Variants in PHRF1 observed in about 807,000 individuals in gnomAD.
The protein encoded by PHRF1 is PHD and ring finger domains 1.
Under a neutral mutation model 128.9 loss-of-function variants are expected in PHRF1, and 53 were observed. The observed-to-expected ratio is 0.41, with a 90% CI of 0.33 to 0.52. PHRF1 has a LOEUF of 0.52. PHRF1 is among the 20% of genes least tolerant of loss of function. The pLI is 0.21. For missense variants in PHRF1, 2,503 were observed against 2,284.5 expected (o/e 1.10, Z -1.95); for synonymous variants, 1,178 against 980.6 (o/e 1.20, Z -3.76).
chr11:598,807 T>C (rs1458529454), intron 9 of PHRF1, among the ~76,000 whole-genome samples: 1 of 152,248 alleles, frequency 6.6e-6, no homozygotes, highest in East Asian at 1.9e-4. Flanking sequence ...TTATTTTTGC[T>C]GTAAACATTT....
Position 605,177 on chromosome 11 carries a change from A to G in PHRF1, c.1211A>G (p.His404Arg). 6.2e-7 allele frequency: 1 copy of G among 1,613,548 alleles called. No individual in the cohort carries two copies. The highest frequency in any genetic ancestry group is 8.5e-7 in the Non-Finnish European group (1 of 1,179,858). The change falls in exon 11 of 18, where the codon CAC becomes CGC. Residue 404 changes from histidine to arginine, a missense_variant. Transcript: ENST00000264555. ...ACGCTGGGCCTGCGCAGGCCTGTTCACAGCAGCTGCATCCCGTCAGTGTTG... is the reference window on the plus strand; with the variant it reads ...ACGCTGGGCCTGCGCAGGCCTGTTCGCAGCAGCTGCATCCCGTCAGTGTTG... ...ARTLGLRRPV[H>R]SSCIPSVLKP...
At chr11:603,725 G>GTTTTTTTTTTTTTTTTTTTTTTTTTTT in intron 10 of PHRF1, among the ~76,000 whole-genome samples, 1 of 103,282 alleles carries the variant, frequency 9.7e-6, no homozygotes, top group Non-Finnish European at 1.8e-5. Context: ...CCATATTTAA[G>GTTTTTTTTTTTTTTTTTTTTTTTTTTT]TTTGTTTTTT....
chr11:609,405 G>A lies in PHRF1; in HGVS notation c.3949G>A (p.Ala1317Thr). 2 of 1,610,536 alleles carry A rather than the reference G, an allele frequency of 1.2e-6. No individual in the cohort carries two copies. The change falls in exon 14 of 18, where the codon GCC (alanine) becomes ACC (threonine). Residue 1317 changes from alanine (A) to threonine (T), a missense_variant. By Grantham distance (58) the Ala-to-Thr change is moderately conservative (BLOSUM62 0). Coordinates refer to ENST00000264555, the MANE Select transcript of PHRF1 (RefSeq NM_001286581.2). ...PALPPASLAVAAIQREVSLMH... is the reference protein window; with the variant it reads ...PALPPASLAVTAIQREVSLMH... ...GTTGCCCCCAGCCAGCCTGGCCGTG[G>A]CCGCCATCCAGAGGGAGGTGTCATT...
chr11:583,447 G>A (rs1449964306), intron 3 of PHRF1, among the ~76,000 whole-genome samples: 2 of 151,288 alleles, frequency 1.3e-5, no homozygotes, highest in Non-Finnish European at 2.9e-5. Flanking sequence ...AGCCCAAGAG[G>A]TCGAGGCTAC....
chr11:588,786 T>C (rs1854745858), intron 4 of PHRF1, among the ~76,000 whole-genome samples: 1 of 152,186 alleles, frequency 6.6e-6, no homozygotes, highest in Non-Finnish European at 1.5e-5. Context: ...GTCTGGCATT[T>C]ATTAGATAAA....
At chr11:585,602 C>T (rs113691450) in intron 3 of PHRF1, among the ~76,000 whole-genome samples, 1,089 of 53,510 alleles carry the variant, frequency 0.02, 13 homozygotes, top group South Asian at 0.024. Flanking sequence ...AGGTAGTAGC[C>T]CTTTCCAGCT....
chr11:606,417 C>A, intron 12 of PHRF1, 25 bp from the exon 13 acceptor site: 2 of 1,526,752 alleles, frequency 1.3e-6, no homozygotes, highest in East Asian at 2.5e-5. Context: ...GCAGTGACGG[C>A]AGGGCCTTGG....
rs1358212196 is a variant in PHRF1 at position 607,397 on chromosome 11, T to C, written c.1941T>C (p.Ser647=). The C allele has an allele frequency of 1.2e-6, 2 of 1,612,680 alleles. No homozygotes were observed. Among genetic ancestry groups the C allele is most frequent in the African/African-American group, 1.3e-5 (1 of 74,928 alleles). ...KHTLPLASAA[S]KISSRDSKPP... ...CCTTGCCCCTTGCCTCTGCCGCGTC[T>C]AAGATCTCAAGCAGAGATTCTAAGC... The change falls in exon 14 of 18, where the codon TCT becomes TCC. Residue 647 remains serine, a synonymous_variant. Transcript: ENST00000264555.
chr11:577,242 G>A (rs915462792), intron 1 of PHRF1, among the ~76,000 whole-genome samples: 2 of 152,230 alleles, frequency 1.3e-5, no homozygotes, highest in African/African-American at 4.8e-5. Flanking sequence ...GAAAGGCTAA[G>A]TAACTGGCCA....
chr11:606,708 G>A, intron 13 of PHRF1, 112 bp downstream of exon 13: 17 of 1,398,366 alleles, frequency 1.2e-5, no homozygotes, highest in Non-Finnish European at 1.5e-5. Context: ...AAGTTGGGGG[G>A]ACCATTCCTC....
intron 3 of PHRF1, among the ~76,000 whole-genome samples, chr11:585,262 C>T (rs563259330): frequency 0.018 from 2,688 of 147,254 alleles, 22 homozygotes; most frequent in African/African-American, 0.065. Flanking sequence ...GTAGCCCTTT[C>T]CAGCTTGAGG....
chr11:590,334 C>T (rs997412683), intron 4 of PHRF1, among the ~76,000 whole-genome samples: 5 of 152,190 alleles, frequency 3.3e-5, no homozygotes, highest in Non-Finnish European at 5.9e-5. Flanking sequence ...ATGTTCACCA[C>T]GGGGGAATGG....
Position 605,313 on chromosome 11 carries a change from G to A in PHRF1, c.1334+13G>A. 1 of 1,610,346 alleles carries A rather than the reference G, an allele frequency of 6.2e-7. No homozygotes were observed. On this transcript the variant is annotated intron_variant, in intron 11 of 17. Transcript: ENST00000264555. ...ATCCCTTCGACAGGTGAGTGAACTG[G>A]TGATGGTCCTGCCTGGGCACCCGCT...
chr11:591,428 T>A lies in PHRF1; in HGVS notation c.465T>A (p.Ile155=), dbSNP rs1261148937. Residue 155 remains isoleucine, a synonymous_variant, in exon 5 of 18, where the codon ATT becomes ATA. Transcript: ENST00000264555. ...TTGATCGAACTCTATTTAAGTGCAT[T>A]TGTATTCGAGCTCAATTTGGTGGTA... The part of the protein sequence containing the change: ...CPVDRTLFKC[I]CIRAQFGGKI... 1 of 1,609,842 alleles carries A rather than the reference T, an allele frequency of 6.2e-7. No homozygotes were observed. Among genetic ancestry groups the A allele is most frequent in the Non-Finnish European group, 8.5e-7 (1 of 1,178,326 alleles).
intron 4 of PHRF1, 130 bp downstream of exon 4, chr11:587,594 A>G: frequency 1.1e-6 from 1 of 926,194 alleles, no homozygotes; most frequent in South Asian, 1.6e-5. Context: ...GGGCCACAGG[A>G]TTGAGTCTGG....
rs565929877 is a variant in PHRF1, at chr11:610,402, CCA to C, written c.4416+63_4416+64del. On this transcript the variant is annotated intron_variant, in intron 15 of 17. Coordinates refer to ENST00000264555, the MANE Select transcript of PHRF1 (RefSeq NM_001286581.2). ...CGTGGGCAGTGGCCTGGCACCCGTG[CCA>C]CACACACCACACTAGGCTGGGGCTG... 123 of 1,534,380 alleles carry C rather than the reference CCA, an allele frequency of 8.0e-5. 2 individuals are homozygous for C. The South Asian group carries it at 9.8e-4, about 12-fold the overall frequency.
rs753855055 is a variant in PHRF1, at chr11:608,426, T to TTCCCGG, written c.2976_2981dup (p.Arg994_Ser995dup). The TTCCCGG allele has an allele frequency of 2.5e-6, 4 of 1,601,482 alleles. No homozygotes were observed. In the African/African-American group the frequency reaches 5.4e-5, roughly 22 times the overall value. ...ACAGAGTCGTGGAGCTCAGGCCCCC[T>TTCCCGG]TCCCGGTCCCGCTCCACATCCAGCT... On this transcript the variant is annotated inframe_insertion, in exon 14 of 18. Coordinates refer to ENST00000264555, the MANE Select transcript of PHRF1 (RefSeq NM_001286581.2).
chr11:609,594 G>A lies in PHRF1; in HGVS notation c.4138G>A (p.Glu1380Lys), dbSNP rs1320355653. ...CCCCTCTGCGAGTGGGAGGGTACAG[G>A]AGGCAGCCCGGCCTGAGGAGGTGGT... Reference protein sequence around the residue: ...DSPSASGRVQEAARPEEVVSQ... With the variant: ...DSPSASGRVQKAARPEEVVSQ... Residue 1380 changes from glutamate (E) to lysine (K), a missense_variant, in exon 14 of 18, where the codon GAG (glutamate) becomes AAG (lysine). By Grantham distance (56) the Glu-to-Lys change is moderately conservative. Transcript: ENST00000264555. 1 of 1,594,722 alleles carries A rather than the reference G, an allele frequency of 6.3e-7. No individual in the cohort carries two copies. The highest frequency in any genetic ancestry group is 1.1e-5 in the South Asian group (1 of 88,238).
At chr11:600,796 C>G (rs1855582942) in intron 9 of PHRF1, among the ~76,000 whole-genome samples, 1 of 152,038 alleles carries the variant, frequency 6.6e-6, no homozygotes, top group Non-Finnish European at 1.5e-5. Flanking sequence ...GAAACCCCGT[C>G]TCTACTAAAA....
Sources: allele counts gnomAD v4.1 joint callset (sites outside exome capture counted in the v4.1 genomes callset), GRCh38; gene constraint gnomAD v4.1.1; transcripts MANE v1.5; gene names NCBI Gene and HGNC (gene_info 2026-07-23, HGNC 2026-07-21).